The following PDE6A variants were observed in gnomAD, a reference collection of about 807,000 sequenced individuals.
PDE6A encodes rod cGMP-specific 3',5'-cyclic phosphodiesterase subunit alpha.
A neutral mutation model predicts 106.3 loss-of-function variants in PDE6A; 84 were observed. The observed-to-expected ratio is 0.79, with a 90% CI of 0.66 to 0.95. The LOEUF is 0.95. PDE6A is among the 40% of genes least tolerant of loss of function. The pLI is 0.00. For missense variants in PDE6A, 1,052 were observed against 1,084.9 expected (o/e 0.97, Z 0.43); for synonymous variants, 394 against 386.6 (o/e 1.02, Z -0.23).
chr5:149,932,306 T>G (rs1754058091), intron 3 of PDE6A: 2 of 1,440,140 alleles, frequency 1.4e-6, no homozygotes, highest in Non-Finnish European at 9.8e-7. Flanking sequence ...GTCGGCCAAC[T>G]GCACGGATTT....
At chr5:149,937,494 C>T (rs1754216927) in intron 1 of PDE6A, among the ~76,000 whole-genome samples, 1 of 152,196 alleles carries the variant, frequency 6.6e-6, no homozygotes, top group Non-Finnish European at 1.5e-5. Context: ...CCTCCCACCT[C>T]AGCCTCCAGA....
chr5:149,922,320 T>C (rs944755541), intron 4 of PDE6A, among the ~76,000 whole-genome samples: 1 of 151,388 alleles, frequency 6.6e-6, no homozygotes, highest in Non-Finnish European at 1.5e-5. Context: ...TTATTATTAT[T>C]ATTATTTTGG....
chr5:149,892,285 C>A (rs192687763), intron 13 of PDE6A, among the ~76,000 whole-genome samples: 1 of 151,894 alleles, frequency 6.6e-6, no homozygotes, highest in Non-Finnish European at 1.5e-5. Flanking sequence ...CACTGCTTTC[C>A]GGACTGGGCA....
chr5:149,886,445 G>T, intron 13 of PDE6A, 71 bp from the exon 14 acceptor site: 1 of 1,129,960 alleles, frequency 8.8e-7, no homozygotes, highest in Non-Finnish European at 1.3e-6. Flanking sequence ...AAAGGCGGGT[G>T]TAAGGAGGAG....
chr5:149,880,438 T>A (rs1380750194), intron 17 of PDE6A, among the ~76,000 whole-genome samples: 1 of 151,678 alleles, frequency 6.6e-6, no homozygotes, highest in Non-Finnish European at 1.5e-5. Flanking sequence ...CAGCTGGGGG[T>A]GGTGGCTCAC....
intron 17 of PDE6A, among the ~76,000 whole-genome samples, chr5:149,882,132 A>T (rs559297176): frequency 1.8e-4 from 28 of 152,120 alleles, no homozygotes; most frequent in Non-Finnish European, 3.4e-4. Context: ...TCTATGAGTA[A>T]CTGTGGGCTG....
chr5:149,874,887 A>G (rs112847398), intron 17 of PDE6A, among the ~76,000 whole-genome samples: 5,429 of 152,220 alleles, frequency 0.036, 127 homozygotes, highest in Admixed American at 0.055. Context: ...GCTGCACTGC[A>G]TTCCACATAC....
At position 149,889,081 on chromosome 5, in the gene PDE6A, C is replaced by CAA. The variant is rs568428704; in HGVS notation, c.1729-2709_1729-2708dup. Among the ~76,000 whole-genome samples, 121 of 61,564 alleles carry CAA rather than the reference C, an allele frequency of 2.0e-3. 9 individuals carry two copies. Among genetic ancestry groups the CAA allele is most frequent in the African/African-American group, 8.2e-3 (115 of 14,050 alleles). 40.4% of individuals were successfully genotyped at this position (61,564 alleles called of 152,430 possible). On this transcript the variant is annotated intron_variant, in intron 13 of 21. Coordinates refer to ENST00000255266, the MANE Select transcript of PDE6A (RefSeq NM_000440.3). Reference sequence around the variant, plus strand: ...TGGGCGACAGAGTGAGACTCTGTCTCAAAAAAAAAAAAAAAAAGATCAGAA... The same window carrying CAA: ...TGGGCGACAGAGTGAGACTCTGTCTCAAAAAAAAAAAAAAAAAAAGATCAGAA...
At chr5:149,907,598 C>T (rs187513078) in intron 6 of PDE6A, among the ~76,000 whole-genome samples, 1 of 152,286 alleles carries the variant, frequency 6.6e-6, no homozygotes, top group Admixed American at 6.5e-5. Flanking sequence ...GTCTGCCCAC[C>T]AAGTTTCACC....
intron 4 of PDE6A, among the ~76,000 whole-genome samples, chr5:149,929,459 T>C (rs1396372486): frequency 6.6e-6 from 1 of 151,804 alleles, no homozygotes; most frequent in African/African-American, 2.4e-5. Flanking sequence ...ACAAAAAAAT[T>C]AGCCAGGCAT....
intron 17 of PDE6A, among the ~76,000 whole-genome samples, chr5:149,876,911 GATGAT>G (rs1760760712): frequency 6.7e-6 from 1 of 148,508 alleles, no homozygotes; most frequent in Admixed American, 6.6e-5. Flanking sequence ...GATGATGAGA[GATGAT>G]AGATAGATAG....
At chr5:149,865,519 C>A (rs544686847) in intron 20 of PDE6A, among the ~76,000 whole-genome samples, 1 of 152,276 alleles carries the variant, frequency 6.6e-6, no homozygotes, top group Non-Finnish European at 1.5e-5. Context: ...CAGAGCACCC[C>A]AGTTAGTCTG....
intron 13 of PDE6A, 32 bp downstream of exon 13, chr5:149,895,151 C>A (rs1227644200): frequency 7.5e-7 from 1 of 1,335,170 alleles, no homozygotes; most frequent in South Asian, 1.2e-5. Context: ...TGATGCAAGC[C>A]CACCCTACCA....
chr5:149,887,619 A>C (rs1752361707), intron 13 of PDE6A, among the ~76,000 whole-genome samples: 1 of 152,180 alleles, frequency 6.6e-6, no homozygotes, highest in Non-Finnish European at 1.5e-5. Flanking sequence ...GGTCAAAGTG[A>C]AACATTTCAT....
intron 17 of PDE6A, among the ~76,000 whole-genome samples, chr5:149,872,068 A>G (rs1024520329): frequency 2.6e-5 from 4 of 152,196 alleles, no homozygotes; most frequent in Non-Finnish European, 5.9e-5. Flanking sequence ...TTATGCTCTC[A>G]GTAGACGAAC....
rs886060218 is a variant in PDE6A at position 149,944,787 on chromosome 5, A to G, written c.-114T>C. On this transcript the variant is annotated 5_prime_UTR_variant, in exon 1 of 22. Coordinates refer to ENST00000255266, the MANE Select transcript of PDE6A (RefSeq NM_000440.3). ...GACTTCTCTGGGTCTTGTCTGCAAA[A>G]CATACTGAGATGGCCTGCACAGGAG... The G allele has an allele frequency of 1.1e-5, 9 of 788,030 alleles. No individual in the cohort carries two copies. The highest frequency in any genetic ancestry group is 1.9e-5 in the Non-Finnish European group (9 of 464,262). 48.8% of individuals were successfully genotyped at this position (788,030 alleles called of 1,614,324 possible).
At chr5:149,886,530 A>G (rs750598893) in intron 13 of PDE6A, among the ~76,000 whole-genome samples, 156 bp from the exon 14 acceptor site, 5 of 152,204 alleles carry the variant, frequency 3.3e-5, no homozygotes, top group Non-Finnish European at 7.4e-5. Flanking sequence ...AGGACTGCCC[A>G]GGGCTGAGGG....
At position 149,884,785 on chromosome 5, in the gene PDE6A, C is replaced by G. The variant is rs1197675320; in HGVS notation, c.1921G>C (p.Asp641His). Reference protein sequence around the residue: ...HLEFGKTLLRDESLNIFQNLN... With the variant: ...HLEFGKTLLRHESLNIFQNLN... ...ACCCTTGGCCCTCATCCTACCTCGT[C>G]TCTGAGCAGTGTTTTGCCAAACTCC... The change falls in exon 15 of 22, where the codon GAC becomes CAC. Residue 641 changes from aspartate (D) to histidine (H), a missense_variant. By Grantham distance (81) the Asp-to-His change is moderately conservative. This residue lies in a region of PDE6A where 913 missense variants were observed against 915.2 expected (regional missense o/e 1.00). Transcript: ENST00000255266. The G allele has an allele frequency of 6.2e-7, 1 of 1,614,000 alleles. No individual in the cohort carries two copies. Among genetic ancestry groups the G allele is most frequent in the Non-Finnish European group, 8.5e-7 (1 of 1,179,896 alleles).
At chr5:149,897,645 C>T (rs551347973) in intron 10 of PDE6A, among the ~76,000 whole-genome samples, 97 of 152,304 alleles carry the variant, frequency 6.4e-4, no homozygotes, top group African/African-American at 2.3e-3. Flanking sequence ...GTGTGGCAAT[C>T]ACGGCTCACT....
Sources: gnomAD v4.1 joint callset for allele counts (sites outside exome capture counted in the v4.1 genomes callset) on GRCh38, gnomAD v4.1.1 for gene constraint, gnomAD v4.1.1 regional missense constraint, MANE v1.5 for transcripts, NCBI Gene and HGNC (gene_info 2026-07-23, HGNC 2026-07-21) for gene names.